NMD3: variants seen among roughly 807,000 people sequenced by gnomAD.
The protein encoded by NMD3 is 60S ribosomal export protein NMD3.
Under a neutral mutation model 73.1 loss-of-function variants are expected in NMD3, and 47 were observed. The observed-to-expected ratio is 0.64, with a 90% CI of 0.51 to 0.82. The LOEUF (loss-of-function observed/expected upper bound fraction) is 0.82. Ranked by LOEUF, NMD3 falls within the 40% of genes least tolerant of loss-of-function variation. The pLI, the probability that NMD3 is intolerant of heterozygous loss-of-function variation, is 0.00. For missense variants in NMD3, 554 were observed against 612.5 expected (o/e 0.90, Z 1.01); for synonymous variants, 210 against 194.5 (o/e 1.08, Z -0.66).
At position 161,241,053 on chromosome 3, in the gene NMD3, TTGTC is replaced by T. The variant is rs1560071872; in HGVS notation, c.771_774del (p.Ser258GlnfsTer10). On this transcript the variant is annotated frameshift_variant, in exon 10 of 16. Transcript: ENST00000351193. LOFTEE classifies it high-confidence loss of function. ...GTTAGTTCTTATGCCTAGGATAATG[TTGTC>T]TGTCTGTCTCCAAAACTGGCACAAA... 3.1e-6 allele frequency: 5 copies of T among 1,605,908 alleles called. No homozygotes were observed. The highest frequency in any genetic ancestry group is 1.1e-5 in the South Asian group (1 of 90,822).
intron 3 of NMD3, among the ~76,000 whole-genome samples, chr3:161,226,474 A>T (rs772783968): frequency 2.6e-5 from 4 of 152,122 alleles, no homozygotes; most frequent in Non-Finnish European, 5.9e-5. Flanking sequence ...AAAAATACGA[A>T]ATAAATATGT....
In NMD3 at chr3:161,233,470, T is replaced by A. The variant is rs769336778; in HGVS notation, c.348T>A (p.Ile116=). 3.8e-6 allele frequency: 6 copies of A among 1,599,796 alleles called. No homozygotes were observed. In the Admixed American group the frequency reaches 1.0e-4, roughly 27 times the overall value. The change falls in exon 5 of 16, where the codon ATT becomes ATA. Residue 116 remains isoleucine, a synonymous_variant. Transcript: ENST00000351193. ...AGAGACTTAAAGTTAAACTGACTAT[T>A]CAGAAAGAGGTAAGCAGTACATAAT... ...HSKRLKVKLT[I]QKEVMNGAIL...
intron 7 of NMD3, among the ~76,000 whole-genome samples, chr3:161,235,690 C>T (rs1350118981): frequency 6.6e-6 from 1 of 152,080 alleles, no homozygotes; most frequent in Non-Finnish European, 1.5e-5. Context: ...TTGATATCTC[C>T]TAAGGGACGT....
chr3:161,247,412 CTT>C, intron 13 of NMD3, 82 bp downstream of exon 13: 1 of 731,366 alleles, frequency 1.4e-6, no homozygotes, highest in Non-Finnish European at 2.3e-6. Context: ...GGAGTTCACA[CTT>C]TTGAAAATAA....
chr3:161,236,669 A>G (rs1012179536), intron 7 of NMD3, among the ~76,000 whole-genome samples: 14 of 152,114 alleles, frequency 9.2e-5, no homozygotes, highest in Non-Finnish European at 1.8e-4. Flanking sequence ...ATTTTCTCCT[A>G]TAGTTTCTTT....
At chr3:161,243,422 T>G (rs542233419) in intron 11 of NMD3, among the ~76,000 whole-genome samples, 10 of 152,198 alleles carry the variant, frequency 6.6e-5, no homozygotes, top group Non-Finnish European at 1.5e-4. Flanking sequence ...AGGGGGGGAT[T>G]ACTGTGTTCA....
intron 15 of NMD3, 43 bp from the exon 16 acceptor site, chr3:161,250,737 A>T (rs201624085): frequency 1.7e-5 from 22 of 1,294,054 alleles, no homozygotes; most frequent in Non-Finnish European, 2.2e-5. Context: ...TTGTATACAT[A>T]TAAATACTTT....
chr3:161,229,279 A>G (rs1197259174), intron 4 of NMD3, among the ~76,000 whole-genome samples: 1 of 152,200 alleles, frequency 6.6e-6, no homozygotes, highest in African/African-American at 2.4e-5. Context: ...TGTTTTTAGA[A>G]TGGTTGTAAG....
chr3:161,225,843 T>C (rs562948594), intron 3 of NMD3, among the ~76,000 whole-genome samples: 1 of 152,234 alleles, frequency 6.6e-6, no homozygotes, highest in Non-Finnish European at 1.5e-5. Flanking sequence ...TGTGTGTATA[T>C]ATGTAAAAAT....
At chr3:161,228,049 G>A (rs944144188) in intron 4 of NMD3, among the ~76,000 whole-genome samples, 4 of 150,648 alleles carry the variant, frequency 2.7e-5, no homozygotes, top group African/African-American at 9.7e-5. Flanking sequence ...CTGAAAGTCA[G>A]TGCATAAATG....
chr3:161,234,039 A>C (rs1463571106), intron 5 of NMD3, among the ~76,000 whole-genome samples: 1 of 152,164 alleles, frequency 6.6e-6, no homozygotes, highest in Non-Finnish European at 1.5e-5. Context: ...TTGGATTTGG[A>C]ATGTTCAATC....
At chr3:161,244,944 A>C (rs1576857193) in intron 11 of NMD3, among the ~76,000 whole-genome samples, 1 of 152,044 alleles carries the variant, frequency 6.6e-6, no homozygotes, top group African/African-American at 2.4e-5. Flanking sequence ...GAGCCCCTTC[A>C]GAATGGTTCC....
chr3:161,245,871 G>A (rs1737182660), intron 11 of NMD3, among the ~76,000 whole-genome samples: 1 of 151,998 alleles, frequency 6.6e-6, no homozygotes, highest in Non-Finnish European at 1.5e-5. Context: ...CTCTCTAGTG[G>A]TTTACTACCA....
chr3:161,230,440 A>T (rs1736488108), intron 4 of NMD3, among the ~76,000 whole-genome samples: 1 of 152,104 alleles, frequency 6.6e-6, no homozygotes, highest in South Asian at 2.1e-4. Context: ...CTTGGCCAGG[A>T]TACATTTCTT....
intron 10 of NMD3, 147 bp downstream of exon 10, chr3:161,241,310 T>C (rs1736976778): frequency 1.9e-6 from 1 of 533,120 alleles, no homozygotes; most frequent in Non-Finnish European, 3.3e-6. Flanking sequence ...CAAAACATTG[T>C]GGAATTTGCA....
At chr3:161,240,837 A>T (rs1736945336) in intron 9 of NMD3, among the ~76,000 whole-genome samples, 1 of 147,942 alleles carries the variant, frequency 6.8e-6, no homozygotes, top group African/African-American at 2.5e-5. Flanking sequence ...CTCAGCCAGG[A>T]TTTTTTTTTT....
chr3:161,250,461 T>C, intron 15 of NMD3, 135 bp downstream of exon 15: 1 of 597,254 alleles, frequency 1.7e-6, no homozygotes, highest in Non-Finnish European at 2.9e-6. Context: ...GTCACACTTC[T>C]ACAAAAAAAC....
At chr3:161,237,598 G>A (rs950200613) in intron 7 of NMD3, among the ~76,000 whole-genome samples, 1 of 133,954 alleles carries the variant, frequency 7.5e-6, no homozygotes, top group African/African-American at 2.9e-5. Context: ...GGAGTGCAGT[G>A]TTGCGATCTG....
intron 5 of NMD3, among the ~76,000 whole-genome samples, chr3:161,234,381 C>T (rs1182929796): frequency 3.3e-5 from 5 of 151,182 alleles, no homozygotes; most frequent in Non-Finnish European, 2.9e-5. Context: ...GAACCAAGAT[C>T]GTGCCACTGT....
Sources: allele counts gnomAD v4.1 joint callset (sites outside exome capture counted in the v4.1 genomes callset), GRCh38; gene constraint gnomAD v4.1.1; transcripts MANE v1.5; gene names NCBI Gene and HGNC (gene_info 2026-07-23, HGNC 2026-07-21).